The following XRCC3 variants were observed in gnomAD, a reference collection of about 807,000 sequenced individuals.
XRCC3 encodes X-ray repair cross complementing 3.
In XRCC3, 34 loss-of-function variants were observed where a neutral mutation model predicts 29.2. That is an observed-to-expected ratio of 1.16 (90% CI 0.88 to 1.55). The LOEUF (loss-of-function observed/expected upper bound fraction) is 1.55. Among genes scored for constraint, XRCC3 ranks in the 40% most tolerant of loss-of-function variants. XRCC3 has a pLI of 0.00. For synonymous variants in XRCC3, 223 were observed against 211.3 expected (o/e 1.06, Z -0.48); for missense variants, 463 against 467.6 (o/e 0.99, Z 0.09).
chr14:103,706,845 T>G, intron 6 of XRCC3, 158 bp downstream of exon 6: 4 of 868,652 alleles, frequency 4.6e-6, no homozygotes, highest in Non-Finnish European at 7.3e-6. Context: ...CCCCTCCCTG[T>G]TCTGGAAGGA....
chr14:103,699,467 T>C lies in XRCC3; in HGVS notation c.671A>G (p.Asp224Gly). 6.2e-7 allele frequency: 1 copy of C among 1,612,756 alleles called. No individual in the cohort carries two copies. The highest frequency in any genetic ancestry group is 8.5e-7 in the Non-Finnish European group (1 of 1,179,938). ...SVAAPFRCEFDSQASAPRARH... is the reference protein window; with the variant it reads ...SVAAPFRCEFGSQASAPRARH... ...GGCCCTGGGGGCGGAGGCCTGGCTG[T>C]CAAATTCACAGCGGAATGGGGCTGC... Residue 224 changes from aspartate to glycine, a missense_variant, in exon 8 of 10, where the codon GAC (aspartate) becomes GGC (glycine). Transcript: ENST00000555055.
intron 2 of XRCC3, 132 bp from the exon 3 acceptor site, chr14:103,711,699 G>A (rs2151944076): frequency 2.2e-6 from 1 of 456,228 alleles, no homozygotes; most frequent in Non-Finnish European, 4.4e-6. Context: ...ACCCCACCCA[G>A]CCTCTCCCAG....
intron 6 of XRCC3, chr14:103,704,274 A>T (rs1480808232): frequency 6.6e-6 from 1 of 152,304 alleles, no homozygotes; most frequent in East Asian, 1.9e-4. Flanking sequence ...AAGGGGAGGC[A>T]GGCTGCTGGG....
At chr14:103,710,239 T>G (rs1370734140) in intron 4 of XRCC3, 2 of 152,292 alleles carry the variant, frequency 1.3e-5, no homozygotes, top group Non-Finnish European at 2.9e-5. Context: ...ATGCACCCAG[T>G]CACAACCCTG....
chr14:103,703,021 G>T, intron 7 of XRCC3, 152 bp downstream of exon 7: 2 of 1,220,022 alleles, frequency 1.6e-6, no homozygotes, highest in Non-Finnish European at 2.3e-6. Flanking sequence ...CTGCTCCTCG[G>T]GCGTAAACCC....
chr14:103,699,058 T>C (rs752896646), intron 9 of XRCC3, 41 bp from the exon 10 acceptor site: 16 of 1,564,172 alleles, frequency 1.0e-5, no homozygotes, highest in African/African-American at 1.4e-5. Context: ...TCAGGCTTGG[T>C]GGCCCCGCCC....
chr14:103,705,674 G>A (rs2083410140), intron 6 of XRCC3: 1 of 152,916 alleles, frequency 6.5e-6, no homozygotes, highest in South Asian at 2.1e-4. Flanking sequence ...TCCCGCAGCA[G>A]TCACTGGGCT....
In XRCC3 at chr14:103,699,370, G is replaced by A; in HGVS notation, c.768C>T (p.Ile256=). 3 of 1,606,430 alleles carry A rather than the reference G, an allele frequency of 1.9e-6. No individual in the cohort carries two copies. The highest frequency in any genetic ancestry group is 2.5e-6 in the Non-Finnish European group (3 of 1,177,288). The change falls in exon 8 of 10, where the codon ATC becomes ATT. Residue 256 remains isoleucine (I), a synonymous_variant. Coordinates refer to ENST00000555055, the MANE Select transcript of XRCC3 (RefSeq NM_005432.4). ...SSAFQSPVLC[I]NQVTEAMEEQ... ...ACCCTGCCTTGGTGCTCACCTGGTT[G>A]ATGCACAGCACAGGGCTCTGGAAGG...
intron 4 of XRCC3, 198 bp downstream of exon 4, chr14:103,710,835 G>A: frequency 1.7e-6 from 1 of 580,330 alleles, no homozygotes; most frequent in Non-Finnish European, 3.1e-6. Flanking sequence ...GTAACTGAAA[G>A]AAATCCATGT....
chr14:103,704,987 G>C (rs1015400808), intron 6 of XRCC3: 1 of 152,200 alleles, frequency 6.6e-6, no homozygotes, highest in Admixed American at 6.5e-5. Flanking sequence ...GTGTCATGCA[G>C]CCTGTTTGTG....
At chr14:103,707,654 G>T in intron 5 of XRCC3, 1 of 278,446 alleles carries the variant, frequency 3.6e-6, no homozygotes, top group South Asian at 3.8e-5. Context: ...CATGCCGTCA[G>T]TTCTCTGTGA....
In XRCC3 at chr14:103,698,729, G is replaced by T; in HGVS notation, c.*69C>A. On this transcript the variant is annotated 3_prime_UTR_variant, in exon 10 of 10. Transcript: ENST00000555055. ...CAGCTGTGCCACGGCCCAGGCAGAC[G>T]CGTTTTAAAGGCCCGAGCCCCGTGT... The T allele has an allele frequency of 1.4e-6, 2 of 1,403,708 alleles. No homozygotes were observed. The highest frequency in any genetic ancestry group is 2.0e-6 in the Non-Finnish European group (2 of 1,015,406). The allele number at this position is 1,403,708 out of a possible 1,614,324, so 87.0% of individuals were successfully genotyped here. A position where few individuals can be genotyped will look rare whatever the true frequency, so the allele number is the denominator to read the frequency against.
chr14:103,699,137 G>T lies in XRCC3; in HGVS notation c.817C>A (p.Leu273Met). 1 of 1,573,278 alleles carries T rather than the reference G, an allele frequency of 6.4e-7. No homozygotes were observed. Among genetic ancestry groups the T allele is most frequent in the Non-Finnish European group, 8.6e-7 (1 of 1,161,014 alleles). Residue 273 changes from leucine to methionine, a missense_variant, in exon 9 of 10, where the codon CTG becomes ATG. Physicochemically the swap from Leu to Met is conservative, Grantham distance 15. Transcript: ENST00000555055. ...ACACCACATGGCTGCACTCACCCCA[G>T]CGGCCCGTGTGCTGCGCCCTGCTCC... ...MEEQGAAHGP[L>M]GFWDERVSPA... is the part of the protein sequence containing the mutation.
Position 103,698,683 on chromosome 14 carries a change from G to T in XRCC3, c.*115C>A. 1.1e-6 allele frequency: 1 copy of T among 937,502 alleles called. No individual in the cohort carries two copies. Among genetic ancestry groups the T allele is most frequent in the Non-Finnish European group, 1.7e-6 (1 of 597,476 alleles). The allele number at this position is 937,502 out of a possible 1,614,324, so 58.1% of individuals were successfully genotyped here. On this transcript the variant is annotated 3_prime_UTR_variant, in exon 10 of 10. Coordinates refer to ENST00000555055, the MANE Select transcript of XRCC3 (RefSeq NM_005432.4). ...AAAGTGGAGCCGCTGCCCTGGAAGA[G>T]CTGTGTCTGAACCAGGCTCCCAGCT...
chr14:103,706,420 A>G, intron 6 of XRCC3: 2 of 456,102 alleles, frequency 4.4e-6, no homozygotes, highest in Non-Finnish European at 8.8e-6. Flanking sequence ...GCATGTTGAC[A>G]CCAGGGAATT....
chr14:103,699,682 C>G, intron 7 of XRCC3, 106 bp from the exon 8 acceptor site: 3 of 1,118,918 alleles, frequency 2.7e-6, no homozygotes, highest in Non-Finnish European at 4.0e-6. Flanking sequence ...TTCCTACCCA[C>G]CTGGGGCTCA....
rs1207378763 is a variant in XRCC3 at position 103,707,101 on chromosome 14, G to A, written c.308C>T (p.Thr103Ile). Reference sequence around the variant, plus strand: ...TGCCGAGCTGCGTCCGGCCAGCTCAGTGATGCCGTCCAGGGGCAGGCCACC... The same window carrying A: ...TGCCGAGCTGCGTCCGGCCAGCTCAATGATGCCGTCCAGGGGCAGGCCACC... ...LRGGLPLDGITELAGRSSAGK... is the reference protein window; with the variant it reads ...LRGGLPLDGIIELAGRSSAGK... Residue 103 changes from threonine (T) to isoleucine (I), a missense_variant, in exon 6 of 10, where the codon ACT (threonine) becomes ATT (isoleucine). Coordinates refer to ENST00000555055, the MANE Select transcript of XRCC3 (RefSeq NM_005432.4). 1 of 1,553,160 alleles carries A rather than the reference G, an allele frequency of 6.4e-7. No homozygotes were observed. Among genetic ancestry groups the A allele is most frequent in the Non-Finnish European group, 8.7e-7 (1 of 1,148,996 alleles).
intron 6 of XRCC3, chr14:103,705,177 A>G (rs1211668529): frequency 4.6e-5 from 7 of 152,218 alleles, no homozygotes; most frequent in African/African-American, 1.4e-4. Context: ...GGGAGGCCAC[A>G]TCCCTTTTGT....
rs2082914459 is a variant in XRCC3, at chr14:103,699,432, G to A, written c.706C>T (p.Gln236Ter). 6.2e-7 allele frequency: 1 copy of A among 1,612,922 alleles called. No individual in the cohort carries two copies. ...TCACGCAGCGTGGCCCCCAGGGACT[G>A]CAGATGCCTGGCCCTGGGGGCGGAG... ...QASAPRARHLQSLGATLRELS... is the reference protein window; with the variant it reads ...QASAPRARHL The change falls in exon 8 of 10, where the codon CAG becomes TAG. Residue 236 changes from glutamine to a stop codon, truncating the protein, a stop_gained. Coordinates refer to ENST00000555055, the MANE Select transcript of XRCC3 (RefSeq NM_005432.4). LOFTEE classifies it high-confidence loss of function.
Sources: allele counts gnomAD v4.1 joint callset, GRCh38; gene constraint gnomAD v4.1.1; transcripts MANE v1.5; gene names NCBI Gene and HGNC (gene_info 2026-07-23, HGNC 2026-07-21).